CSF1R: variants seen among roughly 807,000 people sequenced by gnomAD.
The protein encoded by CSF1R is colony stimulating factor 1 receptor, also known as macrophage colony-stimulating factor 1 receptor.
A neutral mutation model predicts 110.0 loss-of-function variants in CSF1R; 40 were observed. That is an observed-to-expected ratio of 0.36 (90% CI 0.28 to 0.47). CSF1R has a LOEUF of 0.47. CSF1R is among the 20% of genes least tolerant of loss of function. The pLI, the probability that CSF1R is intolerant of heterozygous loss-of-function variation, is 0.99. For missense variants in CSF1R, 1,052 were observed against 1,253.0 expected (o/e 0.84, Z 2.42); for synonymous variants, 523 against 503.4 (o/e 1.04, Z -0.52).
intron 10 of CSF1R, among the ~76,000 whole-genome samples, chr5:150,067,791 G>A (rs1757838176): frequency 6.6e-6 from 1 of 152,146 alleles, no homozygotes; most frequent in East Asian, 1.9e-4. Flanking sequence ...GGGCTGCGCT[G>A]CCTCAGAATG....
chr5:150,073,279 G>C, intron 6 of CSF1R, 22 bp downstream of exon 6: 1 of 1,605,104 alleles, frequency 6.2e-7, no homozygotes, highest in Non-Finnish European at 8.5e-7. Context: ...GGGCTGTGTA[G>C]ACGGGAGCTG....
intron 5 of CSF1R, among the ~76,000 whole-genome samples, chr5:150,076,354 CTATCTATCTAT>C (rs1758263497): frequency 1.3e-5 from 2 of 151,536 alleles, no homozygotes; most frequent in African/African-American, 4.9e-5. Context: ...ATCTATCTAT[CTATCTATCTAT>C]CTATCTATCT....
intron 1 of CSF1R, among the ~76,000 whole-genome samples, chr5:150,096,557 T>A (rs1759230107): frequency 2.0e-5 from 3 of 152,200 alleles, no homozygotes; most frequent in African/African-American, 7.2e-5. Flanking sequence ...CAATATCCCT[T>A]ATGAAAATAG....
chr5:150,069,801 G>C (rs1360498846), intron 9 of CSF1R, 72 bp downstream of exon 9: 11 of 1,267,990 alleles, frequency 8.7e-6, no homozygotes, highest in Admixed American at 2.9e-5. Context: ...GGGGGTGGGG[G>C]AGGAGCCGCC....
Position 150,057,352 on chromosome 5 carries a change from G to C in CSF1R, c.2254C>G (p.Leu752Val). The change falls in exon 16 of 21, where the codon CTC (leucine) becomes GTC (valine). Residue 752 changes from leucine (L) to valine (V), a missense_variant. Coordinates refer to ENST00000675795, the MANE Select transcript of CSF1R (RefSeq NM_001288705.3). ...LDKEDGRPLE[L>V]RDLLHFSSQV... ...CTGGAGAAGTGAAGCAGGTCCCGGA[G>C]CTCCAGGGGCCGTCCATCCTCCTTG... 6.2e-7 allele frequency: 1 copy of C among 1,614,114 alleles called. No individual in the cohort carries two copies. Among genetic ancestry groups the C allele is most frequent in the Non-Finnish European group, 8.5e-7 (1 of 1,180,016 alleles).
chr5:150,093,958 G>T (rs1422880152), intron 1 of CSF1R, among the ~76,000 whole-genome samples: 1 of 151,990 alleles, frequency 6.6e-6, no homozygotes, highest in East Asian at 1.9e-4. Context: ...AGCTACTTGG[G>T]AGGCTGAGGC....
At chr5:150,070,395 C>T in intron 7 of CSF1R, 61 bp downstream of exon 7, 1 of 1,574,138 alleles carries the variant, frequency 6.4e-7, no homozygotes. Flanking sequence ...CCCAGTCAAC[C>T]CCATCCCTCC....
At chr5:150,097,525 A>T (rs1256220253) in intron 1 of CSF1R, among the ~76,000 whole-genome samples, 1 of 152,254 alleles carries the variant, frequency 6.6e-6, no homozygotes, top group Non-Finnish European at 1.5e-5. Context: ...TTGTCTTCAT[A>T]GAAAATGCCA....
At chr5:150,096,773 T>C (rs2113858709) in intron 1 of CSF1R, among the ~76,000 whole-genome samples, 1 of 152,302 alleles carries the variant, frequency 6.6e-6, no homozygotes, top group Admixed American at 6.5e-5. Flanking sequence ...TTGACAAAAT[T>C]CAATGTTCAT....
Position 150,055,281 on chromosome 5 carries a change from C to T in CSF1R, c.2610G>A (p.Lys870=), listed in dbSNP as rs1281460537. 2 of 1,614,082 alleles carry T rather than the reference C, an allele frequency of 1.2e-6. No homozygotes were observed. The highest frequency in any genetic ancestry group is 1.3e-5 in the African/African-American group (1 of 74,912). The change falls in exon 19 of 21, where the codon AAG becomes AAA. Residue 870 remains lysine (K), a synonymous_variant. Transcript: ENST00000675795. ...CAGGCTGGGCCATTTGGTATCCATC[C>T]TTCACCAGTTTATAGAACTTGCTGT... ...LVNSKFYKLV[K]DGYQMAQPAF...
At position 150,061,567 on chromosome 5, in the gene CSF1R, C is replaced by G; in HGVS notation, c.1782G>C (p.Gly594=). Reference sequence around the variant, plus strand: ...CAAAGGCCGTGGCCTCCACCACCTTCCCAAAGGCTCCAGCTCCGAGGGTCT... The same window carrying G: ...CAAAGGCCGTGGCCTCCACCACCTTGCCAAAGGCTCCAGCTCCGAGGGTCT... ...FGKTLGAGAF[G]KVVEATAFGL... Residue 594 remains glycine, a synonymous_variant, in exon 12 of 21, where the codon GGG becomes GGC. Transcript: ENST00000675795. 6.2e-7 allele frequency: 1 copy of G among 1,614,050 alleles called. No homozygotes were observed. The highest frequency in any genetic ancestry group is 8.5e-7 in the Non-Finnish European group (1 of 1,179,992).
chr5:150,081,664 C>A (rs149360747), intron 1 of CSF1R, among the ~76,000 whole-genome samples: 1,574 of 152,226 alleles, frequency 0.01, 16 homozygotes, highest in South Asian at 0.046. Context: ...ATTTTAAATG[C>A]ATGGGAAGAC....
intron 1 of CSF1R, among the ~76,000 whole-genome samples, chr5:150,095,239 A>G (rs1759187596): frequency 6.6e-6 from 1 of 152,182 alleles, no homozygotes; most frequent in Non-Finnish European, 1.5e-5. Flanking sequence ...ACAAGTAGAG[A>G]GCAAATCAGC....
At chr5:150,081,426 G>A (rs938053734) in intron 1 of CSF1R, among the ~76,000 whole-genome samples, 7 of 152,098 alleles carry the variant, frequency 4.6e-5, no homozygotes, top group Non-Finnish European at 1.0e-4. Flanking sequence ...CAAATGAATG[G>A]AATGTTCACG....
rs79702016 is a variant in CSF1R, at chr5:150,078,120, T to C, written c.721A>G (p.Asn241Asp). 2,388 of 1,614,058 alleles carry C rather than the reference T, an allele frequency of 1.5e-3. 27 individuals are homozygous for C. The African/African-American group carries it at 0.029, about 20-fold the overall frequency. Residue 241 changes from asparagine (N) to aspartate (D), a missense_variant, in exon 4 of 21, where the codon AAC (asparagine) becomes GAC (aspartate). Around this residue, in one of 5 missense-constraint regions of CSF1R, gnomAD observed 693 missense variants for 735.4 expected, o/e 0.94. Coordinates refer to ENST00000675795, the MANE Select transcript of CSF1R (RefSeq NM_001288705.3). ...GATCTGCAGGGACTGACCTTGGTGT[T>C]GTTGTGTTGGAGGAAGACATCAAAG... ...VNFDVFLQHN[N>D]TKLAIPQQSD...
intron 6 of CSF1R, among the ~76,000 whole-genome samples, chr5:150,071,040 T>A (rs1435438357): frequency 6.6e-6 from 1 of 152,220 alleles, no homozygotes; most frequent in Non-Finnish European, 1.5e-5. Context: ...GTTTCTTGGC[T>A]GTGTGATCTT....
At chr5:150,055,211 T>C (rs950916846) in intron 19 of CSF1R, 26 bp downstream of exon 19, 7 of 1,603,936 alleles carry the variant, frequency 4.4e-6, no homozygotes, top group Non-Finnish European at 6.0e-6. Context: ...GGTGTCCTTT[T>C]CCCTCCCTGG....
intron 1 of CSF1R, among the ~76,000 whole-genome samples, chr5:150,105,375 T>A (rs1759521316): frequency 3.2e-5 from 3 of 93,048 alleles, no homozygotes; most frequent in Admixed American, 1.3e-4. Flanking sequence ...TATATATATA[T>A]ATATATATAT....
At chr5:150,066,203 G>A (rs1757762801) in intron 10 of CSF1R, among the ~76,000 whole-genome samples, 1 of 152,206 alleles carries the variant, frequency 6.6e-6, no homozygotes, top group African/African-American at 2.4e-5. Flanking sequence ...TTCCTCCTGG[G>A]ACAAGAGTGT....
Sources: allele counts gnomAD v4.1 joint callset (sites outside exome capture counted in the v4.1 genomes callset), GRCh38; gene constraint gnomAD v4.1.1; regional missense constraint gnomAD v4.1.1; transcripts MANE v1.5; gene names NCBI Gene and HGNC (gene_info 2026-07-23, HGNC 2026-07-21).